ERBB3: variants seen among roughly 807,000 people sequenced by gnomAD.
ERBB3 encodes erb-b2 receptor tyrosine kinase 3.
In ERBB3, 96 loss-of-function variants were observed where a neutral mutation model predicts 156.7. That is an observed-to-expected ratio of 0.61 (90% CI 0.52 to 0.73). ERBB3 has a LOEUF of 0.73. ERBB3 is among the 30% of genes least tolerant of loss of function. The probability of loss-of-function intolerance (pLI) is 0.00; values close to 1 mark genes in which losing one functional copy is unlikely to be tolerated. For missense variants in ERBB3, 1,406 were observed against 1,709.4 expected, an observed-to-expected ratio of 0.82 and a Z score of 3.13; for synonymous variants, 567 against 632.0, an observed-to-expected ratio of 0.90 and a Z score of 1.54.
In ERBB3 at chr12:56,097,864, A is replaced by G. The variant is rs1868940472; in HGVS notation, c.2540A>G (p.Gln847Arg). The G allele has an allele frequency of 6.2e-7, 1 of 1,614,054 alleles. No individual in the cohort carries two copies. The change falls in exon 21 of 28, where the codon CAG becomes CGG. Residue 847 changes from glutamine to arginine, a missense_variant. Physicochemically the swap from Gln to Arg is conservative, Grantham distance 43. Transcript: ENST00000267101. Reference sequence around the variant, plus strand: ...AACGTGCTACTCAAGTCACCCAGTCAGGTTCAGGTGGCAGATTTTGGTGTG... The same window carrying G: ...AACGTGCTACTCAAGTCACCCAGTCGGGTTCAGGTGGCAGATTTTGGTGTG... ...ARNVLLKSPS[Q>R]VQVADFGVAD...
chr12:56,093,460 T>C lies in ERBB3; in HGVS notation c.1390T>C (p.Tyr464His). 3.1e-6 allele frequency: 5 copies of C among 1,614,118 alleles called. No homozygotes were observed. Among genetic ancestry groups the C allele is most frequent in the Non-Finnish European group, 4.2e-6 (5 of 1,180,012 alleles). ...IYISANRQLC[Y>H]HHSLNWTKVL... ...TATAAGTGCCAATAGGCAGCTCTGC[T>C]ACCACCACTCTTTGAACTGGACCAA... The change falls in exon 12 of 28, where the codon TAC (tyrosine) becomes CAC (histidine). Residue 464 changes from tyrosine to histidine, a missense_variant. Physicochemically the swap from Tyr to His is moderately conservative, Grantham distance 83 (BLOSUM62 2). Transcript: ENST00000267101.
intron 1 of ERBB3, among the ~76,000 whole-genome samples, chr12:56,081,086 C>T (rs923467655): frequency 6.6e-6 from 1 of 152,226 alleles, no homozygotes; most frequent in Non-Finnish European, 1.5e-5. Flanking sequence ...ATACACAAGG[C>T]CCTGGGCCAG....
chr12:56,093,854 G>C lies in ERBB3; in HGVS notation c.1571G>C (p.Ser524Thr), dbSNP rs1259536051. ...PGQCLSCRNY[S>T]RGGVCVTHCN... ...CAGTGCTTGTCCTGTCGAAATTATAGCCGAGGAGGTGTCTGTGTGACCCAC... is the reference window on the plus strand; with the variant it reads ...CAGTGCTTGTCCTGTCGAAATTATACCCGAGGAGGTGTCTGTGTGACCCAC... Residue 524 changes from serine (S) to threonine (T), a missense_variant, in exon 13 of 28, where the codon AGC becomes ACC. Physicochemically the swap from Ser to Thr is moderately conservative, Grantham distance 58 (BLOSUM62 1). Coordinates refer to ENST00000267101, the MANE Select transcript of ERBB3 (RefSeq NM_001982.4). 1.2e-6 allele frequency: 2 copies of C among 1,614,018 alleles called. No homozygotes were observed. Among genetic ancestry groups the C allele is most frequent in the Non-Finnish European group, 1.7e-6 (2 of 1,179,984 alleles).
At chr12:56,085,227 A>G (rs368815108) in intron 3 of ERBB3, 46 bp downstream of exon 3, 2 of 1,613,914 alleles carry the variant, frequency 1.2e-6, no homozygotes, top group Non-Finnish European at 8.5e-7. Context: ...CAGCCAGCCC[A>G]AGACTGGTAC....
At chr12:56,095,545 A>G in intron 16 of ERBB3, 120 bp from the exon 17 acceptor site, 1 of 1,219,756 alleles carries the variant, frequency 8.2e-7, no homozygotes, top group East Asian at 2.4e-5. Context: ...GCTTAAGGAT[A>G]TATATGTGAA....
At position 56,102,195 on chromosome 12, in the gene ERBB3, G is replaced by A; in HGVS notation, c.*140G>A. 2.5e-6 allele frequency: 2 copies of A among 795,278 alleles called. No individual in the cohort carries two copies. Among genetic ancestry groups the A allele is most frequent in the South Asian group, 1.5e-5 (1 of 67,408 alleles). 49.3% of individuals were successfully genotyped at this position (795,278 alleles called of 1,614,324 possible). A position where few individuals can be genotyped will look rare whatever the true frequency, so the allele number is the denominator to read the frequency against. On this transcript the variant is annotated 3_prime_UTR_variant, in exon 28 of 28. Transcript: ENST00000267101. ...CAGACAATTCCATTCAATCTTTGGA[G>A]GCTTTTAAACATTTTGACACAAAAT...
rs2136809349 is a variant in ERBB3 at position 56,093,395 on chromosome 12, G to A, written c.1325G>A (p.Gly442Asp). 1 of 1,613,966 alleles carries A rather than the reference G, an allele frequency of 6.2e-7. No homozygotes were observed. The highest frequency in any genetic ancestry group is 1.1e-5 in the South Asian group (1 of 91,078). ...IMKNLNVTSL[G>D]FRSLKEISAG... ...AAGAACTTGAATGTCACATCTCTGG[G>A]CTTCCGATCCCTGAAGGAAATTAGT... The change falls in exon 12 of 28, where the codon GGC (glycine) becomes GAC (aspartate). Residue 442 changes from glycine (G) to aspartate (D), a missense_variant. Physicochemically the swap from Gly to Asp is moderately conservative, Grantham distance 94 (BLOSUM62 -1). Transcript: ENST00000267101.
intron 9 of ERBB3, among the ~76,000 whole-genome samples, chr12:56,091,450 C>T (rs1401311645): frequency 1.4e-5 from 2 of 139,988 alleles, no homozygotes. Flanking sequence ...CTCTTGTTGC[C>T]CAGGCTGGAG....
In ERBB3 at chr12:56,080,400, A is replaced by G. The variant is rs534446191; in HGVS notation, c.82+18A>G. 1.3e-6 allele frequency: 2 copies of G among 1,572,114 alleles called. No individual in the cohort carries two copies. The highest frequency in any genetic ancestry group is 1.3e-5 in the African/African-American group (1 of 74,322). The stretch of plus-strand genomic sequence containing the variant: ...TCAGGCAGGTAAGTGGCGCGAGAGC[A>G]CCGGCGGGCTCGGCACCTGGGAGCC... On this transcript the variant is annotated intron_variant, in intron 1 of 27. Coordinates refer to ENST00000267101, the MANE Select transcript of ERBB3 (RefSeq NM_001982.4).
chr12:56,083,615 G>C, intron 1 of ERBB3, 136 bp from the exon 2 acceptor site: 1 of 912,350 alleles, frequency 1.1e-6, no homozygotes, highest in Admixed American at 1.7e-5. Context: ...GCTTGTGGGA[G>C]GGTTGGAGGC....
Position 56,093,331 on chromosome 12 carries a change from C to A in ERBB3, c.1275-14C>A. 6.2e-7 allele frequency: 1 copy of A among 1,607,834 alleles called. No homozygotes were observed. The highest frequency in any genetic ancestry group is 1.1e-5 in the South Asian group (1 of 90,936). On this transcript the variant is annotated splice_polypyrimidine_tract_variant and intron_variant, in intron 11 of 27. Coordinates refer to ENST00000267101, the MANE Select transcript of ERBB3 (RefSeq NM_001982.4). Reference sequence around the variant, plus strand: ...TTAGTAGTCTCTCCTCTCATCCTGTCTCCTTATTCTCAGCCGGGGCTTCTC... The same window carrying A: ...TTAGTAGTCTCTCCTCTCATCCTGTATCCTTATTCTCAGCCGGGGCTTCTC...
In ERBB3 at chr12:56,093,358, T is replaced by C. The variant is rs750839021; in HGVS notation, c.1288T>C (p.Leu430=). Residue 430 remains leucine, a synonymous_variant, in exon 12 of 28, where the codon TTG becomes CTG. Transcript: ENST00000267101. ...GRSLYNRGFS[L]LIMKNLNVTS... Reference sequence around the variant, plus strand: ...CCTTATTCTCAGCCGGGGCTTCTCATTGTTGATCATGAAGAACTTGAATGT... The same window carrying C: ...CCTTATTCTCAGCCGGGGCTTCTCACTGTTGATCATGAAGAACTTGAATGT... The C allele has an allele frequency of 1.2e-5, 19 of 1,613,708 alleles. No individual in the cohort carries two copies. The highest frequency in any genetic ancestry group is 1.3e-5 in the Non-Finnish European group (15 of 1,179,878).
At chr12:56,100,566 C>T (rs1194102354) in intron 26 of ERBB3, among the ~76,000 whole-genome samples, 1 of 150,926 alleles carries the variant, frequency 6.6e-6, no homozygotes, top group Non-Finnish European at 1.5e-5. Flanking sequence ...CGCTTGAACC[C>T]GGGAGGCAGA....
At chr12:56,088,210 G>T (rs542493721) in intron 7 of ERBB3, 48 bp downstream of exon 7, 48 of 1,600,050 alleles carry the variant, frequency 3.0e-5, no homozygotes, top group Non-Finnish European at 3.9e-5. Context: ...GTAGATCCAA[G>T]ATTTTAGACA....
chr12:56,091,283 T>TATATATATATAAATATAA (rs1868678996), intron 9 of ERBB3, among the ~76,000 whole-genome samples: 1 of 51,762 alleles, frequency 1.9e-5, no homozygotes, highest in Non-Finnish European at 4.2e-5. Context: ...TATATATATA[T>TATATATATATAAATATAA]ATATATATAT....
rs1354914975 is a variant in ERBB3 at position 56,088,061 on chromosome 12, G to T, written c.773G>T (p.Arg258Leu). 3 of 1,614,098 alleles carry T rather than the reference G, an allele frequency of 1.9e-6. No individual in the cohort carries two copies. Among genetic ancestry groups the T allele is most frequent in the Non-Finnish European group, 1.7e-6 (2 of 1,180,004 alleles). ...HFNDSGACVP[R>L]CPQPLVYNKL... The stretch of plus-strand genomic sequence containing the variant: ...AATGACAGTGGAGCCTGTGTACCTC[G>T]CTGTCCACAGCCTCTTGTCTACAAC... The change falls in exon 7 of 28, where the codon CGC becomes CTC. Residue 258 changes from arginine to leucine, a missense_variant. Coordinates refer to ENST00000267101, the MANE Select transcript of ERBB3 (RefSeq NM_001982.4).
chr12:56,094,279 GAGAGGCC>G (rs1868820948), intron 14 of ERBB3, 90 bp downstream of exon 14: 10 of 1,454,910 alleles, frequency 6.9e-6, no homozygotes, highest in Non-Finnish European at 8.7e-6. Flanking sequence ...GGATAGCACA[GAGAGGCC>G]AGATAATGCT....
Position 56,085,518 on chromosome 12 carries a change from G to T in ERBB3, c.421+337G>T, listed in dbSNP as rs1261815002. On this transcript the variant is annotated intron_variant, in intron 3 of 27. Transcript: ENST00000267101. The stretch of plus-strand genomic sequence containing the variant: ...CCAGCATTTTGGGAGGCCAAGGAGG[G>T]CAGATCACTTGAGATCAGGAGTTTG... The T allele has an allele frequency of 5.3e-6, 6 of 1,135,208 alleles. No homozygotes were observed. The African/African-American group carries it at 9.3e-5, about 18-fold the overall frequency. The allele number at this position is 1,135,208 out of a possible 1,614,324, so 70.3% of individuals were successfully genotyped here.
Position 56,097,833 on chromosome 12 carries a change from G to T in ERBB3, c.2509G>T (p.Ala837Ser), listed in dbSNP as rs2136819926. The T allele has an allele frequency of 2.5e-6, 4 of 1,614,052 alleles. No homozygotes were observed. Among genetic ancestry groups the T allele is most frequent in the Non-Finnish European group, 3.4e-6 (4 of 1,179,996 alleles). Reference protein sequence around the residue: ...EHGMVHRNLAARNVLLKSPSQ... With the variant: ...EHGMVHRNLASRNVLLKSPSQ... ...TGGTATGGTGCATAGAAACCTGGCTGCCCGAAACGTGCTACTCAAGTCACC... is the reference window on the plus strand; with the variant it reads ...TGGTATGGTGCATAGAAACCTGGCTTCCCGAAACGTGCTACTCAAGTCACC... Residue 837 changes from alanine (A) to serine (S), a missense_variant, in exon 21 of 28, where the codon GCC (alanine) becomes TCC (serine). By Grantham distance (99) the Ala-to-Ser change is moderately conservative. Coordinates refer to ENST00000267101, the MANE Select transcript of ERBB3 (RefSeq NM_001982.4).
Sources: allele counts gnomAD v4.1 joint callset (sites outside exome capture counted in the v4.1 genomes callset), GRCh38; gene constraint gnomAD v4.1.1; transcripts MANE v1.5; gene names NCBI Gene and HGNC (gene_info 2026-07-23, HGNC 2026-07-21).